Variants in MTHFD1 observed in about 807,000 individuals in gnomAD.
MTHFD1 encodes C-1-tetrahydrofolate synthase, cytoplasmic.
A neutral mutation model predicts 110.3 loss-of-function variants in MTHFD1; 44 were observed. The observed-to-expected ratio is 0.40, with a 90% confidence interval of 0.31 to 0.51. The LOEUF is 0.51. MTHFD1 is among the 20% of genes least tolerant of loss of function. The pLI is 0.60. For synonymous variants in MTHFD1, 402 were observed against 428.8 expected, an observed-to-expected ratio of 0.94 and a Z score of 0.77; for missense variants, 909 against 1,173.1, an observed-to-expected ratio of 0.77 and a Z score of 3.29.
In MTHFD1 at chr14:64,388,461, A is replaced by C. The variant is rs375021291; in HGVS notation, c.34A>C (p.Ile12Leu). 16 of 1,613,630 alleles carry C rather than the reference A, an allele frequency of 9.9e-6. No individual in the cohort carries two copies. Among genetic ancestry groups the C allele is most frequent in the Admixed American group, 1.7e-5 (1 of 59,986 alleles). The change falls in exon 1 of 28, where the codon ATC becomes CTC. Residue 12 changes from isoleucine to leucine, a missense_variant. Around this residue, in one of 3 missense-constraint regions of MTHFD1, gnomAD observed 424 missense variants for 510.4 expected, o/e 0.83. Coordinates refer to ENST00000652337, the MANE Select transcript of MTHFD1 (RefSeq NM_005956.4). ...AGCAGAAATCCTGAACGGGAAGGAG[A>C]TCTCCGCGTAAGCACCTGACATTGT... is the stretch of plus-strand genomic sequence containing the variant. The part of the protein sequence containing the change: ...APAEILNGKE[I>L]SAQIRARLKN...
chr14:64,415,342 A>G lies in MTHFD1; in HGVS notation c.241-16A>G, dbSNP rs770039690. ...TTTCTGTGTGATATACAAATTATATATGGTATTACTTTTAGGTGATGAAGT... is the reference window on the plus strand; with the variant it reads ...TTTCTGTGTGATATACAAATTATATGTGGTATTACTTTTAGGTGATGAAGT... On this transcript the variant is annotated splice_polypyrimidine_tract_variant and intron_variant, in intron 4 of 27. Coordinates refer to ENST00000652337, the MANE Select transcript of MTHFD1 (RefSeq NM_005956.4). 4 of 1,599,186 alleles carry G rather than the reference A, an allele frequency of 2.5e-6. No individual in the cohort carries two copies. The highest frequency in any genetic ancestry group is 2.2e-5 in the East Asian group (1 of 44,824).
intron 15 of MTHFD1, among the ~76,000 whole-genome samples, chr14:64,433,587 A>G (rs1367276671): frequency 6.6e-6 from 1 of 151,244 alleles, no homozygotes; most frequent in East Asian, 2.0e-4. Flanking sequence ...CCAGATTTTT[A>G]TATATTGTGT....
At position 64,439,122 on chromosome 14, in the gene MTHFD1, A is replaced by G. The variant is rs1237115231; in HGVS notation, c.1624A>G (p.Arg542Gly). Reference sequence around the variant, plus strand: ...GTTGGATACCAATGATAGATTCCTGAGGAAGATCACGATTGGACAGGCTCC... The same window carrying G: ...GTTGGATACCAATGATAGATTCCTGGGGAAGATCACGATTGGACAGGCTCC... ...RVLDTNDRFL[R>G]KITIGQAPTE... Residue 542 changes from arginine to glycine, a missense_variant, in exon 17 of 28, where the codon AGG (arginine) becomes GGG (glycine). Physicochemically the swap from Arg to Gly is moderately radical, Grantham distance 125. Around this residue, in one of 3 missense-constraint regions of MTHFD1, gnomAD observed 482 missense variants for 646.0 expected, o/e 0.75. Coordinates refer to ENST00000652337, the MANE Select transcript of MTHFD1 (RefSeq NM_005956.4). 1 of 1,614,006 alleles carries G rather than the reference A, an allele frequency of 6.2e-7. No homozygotes were observed. Among genetic ancestry groups the G allele is most frequent in the Middle Eastern group, 1.6e-4 (1 of 6,062 alleles).
rs2078056038 is a variant in MTHFD1 at position 64,419,986 on chromosome 14, A to G, written c.727+61A>G. The G allele has an allele frequency of 3.4e-6, 4 of 1,169,150 alleles. No individual in the cohort carries two copies. In the Admixed American group the frequency reaches 5.4e-5, roughly 16 times the overall value. 72.4% of individuals were successfully genotyped at this position (1,169,150 alleles called of 1,614,324 possible). ...ATTGAGGATGGTATCTAGGTCATCA[A>G]AAGAAGCCTGAGAGAGAAGCTTGTC... is the stretch of plus-strand genomic sequence containing the variant. On this transcript the variant is annotated intron_variant, in intron 8 of 27. Coordinates refer to ENST00000652337, the MANE Select transcript of MTHFD1 (RefSeq NM_005956.4).
rs376379853 is a variant in MTHFD1, at chr14:64,426,053, C to T, written c.988C>T (p.Pro330Ser). The change falls in exon 11 of 28, where the codon CCC (proline) becomes TCC (serine). Residue 330 changes from proline (P) to serine (S), a missense_variant. By Grantham distance (74) the Pro-to-Ser change is moderately conservative. This residue lies in a region of MTHFD1 where 424 missense variants were observed against 510.4 expected (regional missense o/e 0.83). Transcript: ENST00000652337. ...IDISRSCKPK[P>S]IGKLAREIGL... ...TATATCACGATCTTGTAAACCGAAG[C>T]CCATTGGTAAGCTGGCTCGAGAAAT... 2 of 1,613,672 alleles carry T rather than the reference C, an allele frequency of 1.2e-6. No individual in the cohort carries two copies. The highest frequency in any genetic ancestry group is 2.7e-5 in the African/African-American group (2 of 75,002).
intron 24 of MTHFD1, among the ~76,000 whole-genome samples, chr14:64,451,288 C>A (rs1275926083): frequency 1.3e-5 from 2 of 152,122 alleles, no homozygotes; most frequent in African/African-American, 4.8e-5. Flanking sequence ...TCCCAAAGTG[C>A]TGGGATTATA....
In MTHFD1 at chr14:64,427,429, C is replaced by T. The variant is rs1437397220; in HGVS notation, c.1220C>T (p.Ala407Val). ...LGAHLYQNVF[A>V]CVRQPSQGPT... ...GCCCATCTCTACCAGAATGTCTTTG[C>T]GTGTGTGCGACAGCCTTCTCAGGGC... Residue 407 changes from alanine to valine, a missense_variant, in exon 12 of 28, where the codon GCG becomes GTG. Ala to Val is a moderately conservative substitution (Grantham distance 64, BLOSUM62 0). Coordinates refer to ENST00000652337, the MANE Select transcript of MTHFD1 (RefSeq NM_005956.4). 1.9e-6 allele frequency: 3 copies of T among 1,614,028 alleles called. No individual in the cohort carries two copies. Among genetic ancestry groups the T allele is most frequent in the East Asian group, 2.2e-5 (1 of 44,904 alleles).
chr14:64,440,662 C>A, intron 18 of MTHFD1: 1 of 290,774 alleles, frequency 3.4e-6, no homozygotes, highest in South Asian at 3.4e-5. Context: ...TGAACTCTTG[C>A]GTAATATTGC....
Position 64,459,871 on chromosome 14 carries a change from AT to A in MTHFD1, c.*118del. The stretch of plus-strand genomic sequence containing the variant: ...AGAGAAGTCAGCCCCTGCCCAGAAG[AT>A]CTGAAACTAATAGTAGGAGTTTCCC... On this transcript the variant is annotated 3_prime_UTR_variant, in exon 28 of 28. Coordinates refer to ENST00000652337, the MANE Select transcript of MTHFD1 (RefSeq NM_005956.4). The A allele has an allele frequency of 6.5e-7, 1 of 1,536,098 alleles. No individual in the cohort carries two copies. The highest frequency in any genetic ancestry group is 8.7e-7 in the Non-Finnish European group (1 of 1,146,860).
intron 2 of MTHFD1, among the ~76,000 whole-genome samples, chr14:64,408,922 C>T (rs1370672225): frequency 6.6e-6 from 1 of 152,084 alleles, no homozygotes; most frequent in African/African-American, 2.4e-5. Context: ...GTACTCTAGG[C>T]TGGGTGGCAG....
At chr14:64,418,054 T>C in intron 7 of MTHFD1, 30 bp downstream of exon 7, 2 of 1,613,904 alleles carry the variant, frequency 1.2e-6, no homozygotes, top group Non-Finnish European at 1.7e-6. Flanking sequence ...GGTAAAGGTG[T>C]TACGGTGGGG....
At chr14:64,446,228 A>G (rs961681247) in intron 22 of MTHFD1, among the ~76,000 whole-genome samples, 1 of 152,168 alleles carries the variant, frequency 6.6e-6, no homozygotes. Context: ...ACATTTAAAA[A>G]TTTTTCATGA....
intron 16 of MTHFD1, 21 bp downstream of exon 16, chr14:64,435,692 C>T: frequency 1.3e-6 from 2 of 1,485,720 alleles, no homozygotes; most frequent in African/African-American, 1.4e-5. Context: ...AGTATACAAG[C>T]CCCGTTTGTT....
chr14:64,429,554 T>C (rs2078143103), intron 12 of MTHFD1, among the ~76,000 whole-genome samples: 1 of 152,092 alleles, frequency 6.6e-6, no homozygotes, highest in Non-Finnish European at 1.5e-5. Flanking sequence ...TTCTAAACTT[T>C]TTGAGTGCTG....
intron 12 of MTHFD1, 49 bp from the exon 13 acceptor site, chr14:64,430,135 A>G (rs1432239088): frequency 2.0e-6 from 3 of 1,533,546 alleles, no homozygotes; most frequent in Non-Finnish European, 2.7e-6. Context: ...TTTCTAAGTC[A>G]TTGGAGAAGC....
chr14:64,441,675 G>A (rs1343120786), intron 19 of MTHFD1: 41 of 570,994 alleles, frequency 7.2e-5, no homozygotes, highest in South Asian at 1.3e-4. Flanking sequence ...GCATGGTGGC[G>A]GGCGCCTGTA....
rs776785424 is a variant in MTHFD1, at chr14:64,431,658, A to G, written c.1419+19A>G. On this transcript the variant is annotated intron_variant, in intron 14 of 27. Coordinates refer to ENST00000652337, the MANE Select transcript of MTHFD1 (RefSeq NM_005956.4). ...AGACAAGGTAGGATGCCAAAGCCCC[A>G]TGAACCCCATTGAACAGTTTTGAAA... 6.2e-7 allele frequency: 1 copy of G among 1,610,458 alleles called. No individual in the cohort carries two copies. Among genetic ancestry groups the G allele is most frequent in the African/African-American group, 1.3e-5 (1 of 74,838 alleles).
chr14:64,432,582 T>G (rs1160220229), intron 15 of MTHFD1, among the ~76,000 whole-genome samples: 1 of 152,252 alleles, frequency 6.6e-6, no homozygotes, highest in Non-Finnish European at 1.5e-5. Context: ...AGTGGCATTA[T>G]GCTGGGTGAA....
rs1325482607 is a variant in MTHFD1, at chr14:64,421,909, G to A, written c.727+1984G>A. Among the ~76,000 whole-genome samples the A allele has an allele frequency of 2.6e-5, 4 of 152,120 alleles. No homozygotes were observed. The East Asian group carries it at 7.7e-4, about 29-fold the overall frequency. Reference sequence around the variant, plus strand: ...CAAAGTGCTGGGATTACAGGCGTGAGCCACCGCACCCAGCAAGCTCAGTCT... The same window carrying A: ...CAAAGTGCTGGGATTACAGGCGTGAACCACCGCACCCAGCAAGCTCAGTCT... On this transcript the variant is annotated intron_variant, in intron 8 of 27. Coordinates refer to ENST00000652337, the MANE Select transcript of MTHFD1 (RefSeq NM_005956.4).
Sources: allele counts gnomAD v4.1 joint callset (sites outside exome capture counted in the v4.1 genomes callset), GRCh38; gene constraint gnomAD v4.1.1; regional missense constraint gnomAD v4.1.1; transcripts MANE v1.5; gene names NCBI Gene and HGNC (gene_info 2026-07-23, HGNC 2026-07-21).